The following PIP5KL1 variants were observed in gnomAD, a reference collection of about 807,000 sequenced individuals.
The protein encoded by PIP5KL1 is phosphatidylinositol 4-phosphate 5-kinase-like protein 1.
Under a neutral mutation model 47.6 loss-of-function variants are expected in PIP5KL1, and 45 were observed. The observed-to-expected ratio is 0.94, with a 90% CI of 0.74 to 1.21. The LOEUF (loss-of-function observed/expected upper bound fraction) is 1.21, where lower values mean the gene tolerates loss of function less well. PIP5KL1 is among the 50% of genes most tolerant of loss of function. The pLI, the probability that PIP5KL1 is intolerant of heterozygous loss-of-function variation, is 0.00. For missense variants in PIP5KL1, 577 were observed against 547.6 expected (o/e 1.05, Z -0.54); for synonymous variants, 256 against 234.6 (o/e 1.09, Z -0.84).
chr9:127,928,281 C>T, intron 3 of PIP5KL1, 62 bp from the exon 4 acceptor site: 2 of 1,534,528 alleles, frequency 1.3e-6, no homozygotes, highest in Non-Finnish European at 1.8e-6. Context: ...TGCAGTTGGT[C>T]CTGGGACAGG....
Position 127,921,894 on chromosome 9 carries a change from G to A in PIP5KL1, c.1138C>T (p.Arg380Cys). Residue 380 changes from arginine to cysteine, a missense_variant, in exon 10 of 10, where the codon CGC becomes TGC. Physicochemically the swap from Arg to Cys is radical, Grantham distance 180. Coordinates refer to ENST00000388747, the MANE Select transcript of PIP5KL1 (RefSeq NM_001135219.2). ...CACTGGCAGAGGCGACGGGCGTAGCGAGCCGGGCTGACAGTGGAGAAGGTC... is the reference window on the plus strand; with the variant it reads ...CACTGGCAGAGGCGACGGGCGTAGCAAGCCGGGCTGACAGTGGAGAAGGTC... The part of the protein sequence containing the change: ...GRTFSTVSPA[R>C]YARRLCQWVE... 7.6e-6 allele frequency: 12 copies of A among 1,574,034 alleles called. No homozygotes were observed. The highest frequency in any genetic ancestry group is 1.0e-5 in the Non-Finnish European group (12 of 1,163,630).
chr9:127,927,287 C>T lies in PIP5KL1; in HGVS notation c.594+10G>A. 1 of 1,611,398 alleles carries T rather than the reference C, an allele frequency of 6.2e-7. No homozygotes were observed. The highest frequency in any genetic ancestry group is 8.5e-7 in the Non-Finnish European group (1 of 1,179,376). On this transcript the variant is annotated intron_variant, in intron 6 of 9. Transcript: ENST00000388747. This position sits in a 1 kb window ranked among gnomAD's most constrained non-coding sequence, Gnocchi z 5.5. Reference sequence around the variant, plus strand: ...GCTCCGCCCAGCCACCTCGCCTCGGCTTCACCCACCTTCTTTCCCCGGTCC... The same window carrying T: ...GCTCCGCCCAGCCACCTCGCCTCGGTTTCACCCACCTTCTTTCCCCGGTCC...
chr9:127,930,445 A>G (rs1588686631), intron 1 of PIP5KL1, among the ~76,000 whole-genome samples: 1 of 152,200 alleles, frequency 6.6e-6, no homozygotes, highest in East Asian at 1.9e-4. Flanking sequence ...CGTGCCCCGC[A>G]CTGGATGAGA....
chr9:127,921,616 GAAT>G lies in PIP5KL1; in HGVS notation c.*228_*230del. ...CTCCATTTCATGGTCTGTAAAAAGA[GAAT>G]AATAGCATTTTTTGAGGATTAAATG... On this transcript the variant is annotated 3_prime_UTR_variant, in exon 10 of 10. Transcript: ENST00000388747. 1.7e-6 allele frequency: 1 copy of G among 598,542 alleles called. No individual in the cohort carries two copies. The highest frequency in any genetic ancestry group is 2.9e-6 in the Non-Finnish European group (1 of 347,046). 37.1% of individuals were successfully genotyped at this position (598,542 alleles called of 1,614,324 possible). A position where few individuals can be genotyped will look rare whatever the true frequency, so the allele number is the denominator to read the frequency against.
intron 7 of PIP5KL1, among the ~76,000 whole-genome samples, chr9:127,926,189 CTCTT>C (rs1052530481): frequency 6.7e-6 from 1 of 149,518 alleles, no homozygotes; most frequent in African/African-American, 2.5e-5. Flanking sequence ...TCTCTCTTCT[CTCTT>C]TCTTTCCCTT....
intron 9 of PIP5KL1, among the ~76,000 whole-genome samples, chr9:127,922,828 T>G (rs945985368): frequency 3.3e-5 from 5 of 152,114 alleles, no homozygotes; most frequent in Non-Finnish European, 5.9e-5. Context: ...ATTGAGTAAA[T>G]GAATTATAGT....
At chr9:127,922,832 T>C (rs1252445166) in intron 9 of PIP5KL1, among the ~76,000 whole-genome samples, 1 of 152,178 alleles carries the variant, frequency 6.6e-6, no homozygotes, top group African/African-American at 2.4e-5. Flanking sequence ...AGTAAATGAA[T>C]TATAGTATTT....
intron 9 of PIP5KL1, 149 bp downstream of exon 9, chr9:127,924,958 G>T: frequency 9.6e-7 from 1 of 1,046,240 alleles, no homozygotes; most frequent in South Asian, 1.5e-5. Flanking sequence ...GCACACACGC[G>T]CGCACACGCA....
intron 8 of PIP5KL1, 152 bp downstream of exon 8, chr9:127,925,715 C>G (rs558155673): frequency 3.0e-6 from 2 of 670,502 alleles, no homozygotes; most frequent in African/African-American, 1.8e-5. Context: ...CCACCTGTCT[C>G]GGCCTCCCAA....
Position 127,925,850 on chromosome 9 carries a change from C to T in PIP5KL1, c.763+17G>A. 6.3e-7 allele frequency: 1 copy of T among 1,598,382 alleles called. No individual in the cohort carries two copies. Among genetic ancestry groups the T allele is most frequent in the Non-Finnish European group, 8.6e-7 (1 of 1,165,970 alleles). The stretch of plus-strand genomic sequence containing the variant: ...TGAATGAAGGAGGAACAGGCAGTGG[C>T]CACCCCCGTGGCTCACCCAGGTTGA... On this transcript the variant is annotated intron_variant, in intron 8 of 9. Transcript: ENST00000388747.
Position 127,921,661 on chromosome 9 carries a change from T to G in PIP5KL1, c.*186A>C. On this transcript the variant is annotated 3_prime_UTR_variant, in exon 10 of 10. Transcript: ENST00000388747. ...GATTAAATGAGCTAAAGTAGGGGAG[T>G]CCTTGGCACGATGCTGGGCACGGCA... The G allele has an allele frequency of 2.6e-6, 2 of 763,120 alleles. No individual in the cohort carries two copies. Among genetic ancestry groups the G allele is most frequent in the East Asian group, 2.8e-5 (1 of 36,182 alleles). The allele number at this position is 763,120 out of a possible 1,614,324, so 47.3% of individuals were successfully genotyped here.
In PIP5KL1 at chr9:127,929,781, C is replaced by G. The variant is rs200551826; in HGVS notation, c.135G>C (p.Glu45Asp). ...RDKQSRLGLF[E>D]ISPGHELHGM... ...CATGCAGTTCATGCCCCGGGCTGAT[C>G]TCAAACAGGCCCAGGCGAGACTGCT... is the stretch of plus-strand genomic sequence containing the variant. Residue 45 changes from glutamate to aspartate, a missense_variant, in exon 2 of 10, where the codon GAG (glutamate) becomes GAC (aspartate). Glu to Asp is a conservative substitution (Grantham distance 45). Transcript: ENST00000388747. The surrounding 1 kb of genome is among the most constrained non-coding windows in gnomAD (Gnocchi z 4.0). 4.7e-4 allele frequency: 728 copies of G among 1,563,088 alleles called. 2 individuals are homozygous for G. Among genetic ancestry groups the G allele is most frequent in the Non-Finnish European group, 5.7e-4 (656 of 1,153,898 alleles).
At chr9:127,925,551 T>C in intron 8 of PIP5KL1, 1 of 471,460 alleles carries the variant, frequency 2.1e-6, no homozygotes, top group Non-Finnish European at 3.9e-6. Context: ...CTGCAACCTC[T>C]GCCGCCTGGG....
Position 127,921,611 on chromosome 9 carries a change from A to G in PIP5KL1, c.*236T>C. ...TGAGCCTCCATTTCATGGTCTGTAA[A>G]AAGAGAATAATAGCATTTTTTGAGG... On this transcript the variant is annotated 3_prime_UTR_variant, in exon 10 of 10. Transcript: ENST00000388747. 1 of 579,078 alleles carries G rather than the reference A, an allele frequency of 1.7e-6. No homozygotes were observed. The highest frequency in any genetic ancestry group is 3.0e-6 in the Non-Finnish European group (1 of 334,044). The allele number at this position is 579,078 out of a possible 1,614,324, so 35.9% of individuals were successfully genotyped here.
At chr9:127,925,837 G>A (rs748451238) in intron 8 of PIP5KL1, 30 bp downstream of exon 8, 70 of 1,544,358 alleles carry the variant, frequency 4.5e-5, no homozygotes, top group Non-Finnish European at 6.1e-5. Context: ...AATGAAGGAG[G>A]AACAGGCAGT....
At chr9:127,925,049 CTG>C in intron 9 of PIP5KL1, 56 bp downstream of exon 9, 1 of 1,591,596 alleles carries the variant, frequency 6.3e-7, no homozygotes. Flanking sequence ...GCCCCCATGT[CTG>C]TCTTTCCCTT....
chr9:127,926,221 C>T, intron 7 of PIP5KL1, among the ~76,000 whole-genome samples: 1 of 142,980 alleles, frequency 7.0e-6, no homozygotes, highest in Admixed American at 7.1e-5. Flanking sequence ...CCCCTTCTTT[C>T]TTCCCTTTTT....
At chr9:127,928,013 C>G in intron 4 of PIP5KL1, 52 bp downstream of exon 4, 3 of 1,480,528 alleles carry the variant, frequency 2.0e-6, no homozygotes, top group Non-Finnish European at 2.7e-6. Context: ...ATTCTGCCCT[C>G]CCAGCCAGGG....
Position 127,928,126 on chromosome 9 carries a change from G to T in PIP5KL1, c.373C>A (p.Pro125Thr), listed in dbSNP as rs776833012. Residue 125 changes from proline to threonine, a missense_variant, in exon 4 of 10, where the codon CCC (proline) becomes ACC (threonine). Pro to Thr is a conservative substitution (Grantham distance 38). Coordinates refer to ENST00000388747, the MANE Select transcript of PIP5KL1 (RefSeq NM_001135219.2). Reference sequence around the variant, plus strand: ...AGGAACTGCAGGTAGGGGCCGCCGGGGCCCAGGGCAGCCTGATAGTCCTCC... The same window carrying T: ...AGGAACTGCAGGTAGGGGCCGCCGGTGCCCAGGGCAGCCTGATAGTCCTCC... ...AEEDYQAALG[P>T]GGPYLQFLST... 9.0e-6 allele frequency: 14 copies of T among 1,557,534 alleles called. No homozygotes were observed. The East Asian group carries it at 3.3e-4, about 37-fold the overall frequency.
Sources: allele counts gnomAD v4.1 joint callset (sites outside exome capture counted in the v4.1 genomes callset), GRCh38; gene constraint gnomAD v4.1.1; non-coding constraint Gnocchi (gnomAD v3.1); transcripts MANE v1.5; gene names NCBI Gene and HGNC (gene_info 2026-07-23, HGNC 2026-07-21).